Variants in TMEM39B observed in about 807,000 individuals in gnomAD.
The protein encoded by TMEM39B is transmembrane protein 39B.
A neutral mutation model predicts 52.2 loss-of-function variants in TMEM39B; 23 were observed. The observed-to-expected ratio is 0.44, with a 90% CI of 0.32 to 0.62. The LOEUF (loss-of-function observed/expected upper bound fraction) is 0.62. Among genes scored for constraint, TMEM39B ranks in the 20% least tolerant of loss-of-function variants. The probability of loss-of-function intolerance (pLI) is 0.06; values close to 1 mark genes in which losing one functional copy is unlikely to be tolerated. For synonymous variants in TMEM39B, 285 were observed against 264.0 expected (o/e 1.08, Z -0.77); for missense variants, 547 against 642.0 (o/e 0.85, Z 1.60).
chr1:32,098,607 C>G (rs1381814751), intron 7 of TMEM39B, among the ~76,000 whole-genome samples: 1 of 152,080 alleles, frequency 6.6e-6, no homozygotes, highest in Non-Finnish European at 1.5e-5. Flanking sequence ...GTGGCGGGCG[C>G]CTGTAGTCCC....
chr1:32,076,103 C>CTTTTTTTTTTT (rs1178215057), intron 3 of TMEM39B: 6 of 76,258 alleles, frequency 7.9e-5, no homozygotes, highest in African/African-American at 1.1e-4. Context: ...TTCTTTTCTT[C>CTTTTTTTTTTT]TTTTTTTTTT....
chr1:32,090,763 C>G lies in TMEM39B; in HGVS notation c.591-912C>G, dbSNP rs1453580925. Among the ~76,000 whole-genome samples the G allele has an allele frequency of 5.3e-5, 8 of 152,214 alleles. No individual in the cohort carries two copies. The South Asian group carries it at 1.0e-3, about 20-fold the overall frequency. ...CACGCCATTCTCCTGCCTCAGCCTC[C>G]CGAGTAGCTGGGACTACAGGCGCCC... On this transcript the variant is annotated intron_variant, in intron 5 of 8. Transcript: ENST00000336294.
intron 6 of TMEM39B, among the ~76,000 whole-genome samples, chr1:32,093,918 A>C (rs1640708408): frequency 1.3e-5 from 2 of 151,584 alleles, no homozygotes; most frequent in African/African-American, 2.4e-5. Context: ...TCCCGGGTTC[A>C]CGCCATTCTT....
chr1:32,088,815 C>T (rs1002746982), intron 5 of TMEM39B, among the ~76,000 whole-genome samples: 2 of 151,832 alleles, frequency 1.3e-5, no homozygotes, highest in Non-Finnish European at 2.9e-5. Flanking sequence ...TAGGTGCCCC[C>T]GCCCCCTCAT....
At chr1:32,082,418 A>G (rs1640137691) in intron 5 of TMEM39B, among the ~76,000 whole-genome samples, 1 of 152,104 alleles carries the variant, frequency 6.6e-6, no homozygotes, top group Admixed American at 6.6e-5. Context: ...CTCTGTAGTT[A>G]CAGAGTTACA....
Position 32,075,791 on chromosome 1 carries a change from C to T in TMEM39B, c.320C>T (p.Pro107Leu). 6.5e-7 allele frequency: 1 copy of T among 1,531,802 alleles called. No individual in the cohort carries two copies. Among genetic ancestry groups the T allele is most frequent in the Non-Finnish European group, 8.8e-7 (1 of 1,133,196 alleles). The allele number at this position is 1,531,802 out of a possible 1,614,324, so 94.9% of individuals were successfully genotyped here. ...INIYKTVWWY[P>L]PSHPPSHTSL... The stretch of plus-strand genomic sequence containing the variant: ...ATCTACAAGACAGTGTGGTGGTATC[C>T]ACCTTCCCACCCACCCTCCCACACC... Residue 107 changes from proline (P) to leucine (L), a missense_variant, in exon 3 of 9, where the codon CCA becomes CTA. Transcript: ENST00000336294.
At chr1:32,080,571 G>A (rs1569872932) in intron 5 of TMEM39B, among the ~76,000 whole-genome samples, 1 of 151,470 alleles carries the variant, frequency 6.6e-6, no homozygotes, top group Non-Finnish European at 1.5e-5. Context: ...GGAGGCTGAG[G>A]CAGGAGAATG....
Position 32,075,089 on chromosome 1 carries a change from CTCTG to C in TMEM39B, c.131+16_131+19del. The C allele has an allele frequency of 6.5e-7, 1 of 1,546,638 alleles. No individual in the cohort carries two copies. The highest frequency in any genetic ancestry group is 8.7e-7 in the Non-Finnish European group (1 of 1,144,090). Reference sequence around the variant, plus strand: ...CGTTCCCGCACCAGGTAAACCACCTCTCTGTCTCACCCCTCACTGTGGCCTCACA... The same window carrying C: ...CGTTCCCGCACCAGGTAAACCACCTCTCTCACCCCTCACTGTGGCCTCACA... On this transcript the variant is annotated intron_variant, in intron 2 of 8. Coordinates refer to ENST00000336294, the MANE Select transcript of TMEM39B (RefSeq NM_018056.4).
At chr1:32,075,456 T>C (rs752106024) in intron 2 of TMEM39B, 147 bp from the exon 3 acceptor site, 49 of 805,230 alleles carry the variant, frequency 6.1e-5, no homozygotes, top group Non-Finnish European at 9.1e-5. Context: ...CTTTGTCGGG[T>C]TCCTTTGTCT....
At chr1:32,073,825 A>G in intron 1 of TMEM39B, 1 of 985,388 alleles carries the variant, frequency 1.0e-6, no homozygotes, top group Non-Finnish European at 1.2e-6. Flanking sequence ...CTGAGATGCT[A>G]CGGCGTGGGG....
At chr1:32,073,859 G>A (rs1179738965) in intron 1 of TMEM39B, 2 of 985,210 alleles carry the variant, frequency 2.0e-6, no homozygotes, top group East Asian at 1.1e-4. Context: ...AGGCTGCTGT[G>A]TTACTGTGAA....
At chr1:32,076,499 A>C (rs1354201142) in intron 3 of TMEM39B, 1 of 599,784 alleles carries the variant, frequency 1.7e-6, no homozygotes, top group Non-Finnish European at 3.1e-6. Context: ...GTGCAGACAC[A>C]GTATAGGGAC....
chr1:32,077,141 C>T (rs774359749), intron 4 of TMEM39B, 23 bp from the exon 5 acceptor site: 15 of 1,613,108 alleles, frequency 9.3e-6, no homozygotes, highest in African/African-American at 5.3e-5. Context: ...GGCCCCATCC[C>T]GTCCTATCTT....
At chr1:32,087,490 G>T (rs1194789549) in intron 5 of TMEM39B, 1 of 149,518 alleles carries the variant, frequency 6.7e-6, no homozygotes, top group Non-Finnish European at 1.5e-5. Context: ...AGGCGTGGTG[G>T]TGCATGCTTG....
At chr1:32,094,552 G>A (rs1228004275) in intron 6 of TMEM39B, among the ~76,000 whole-genome samples, 2 of 152,160 alleles carry the variant, frequency 1.3e-5, no homozygotes, top group Non-Finnish European at 2.9e-5. Context: ...GGACCCCAGA[G>A]CCTGTTCTCT....
At chr1:32,082,014 C>T (rs958605358) in intron 5 of TMEM39B, among the ~76,000 whole-genome samples, 2 of 152,136 alleles carry the variant, frequency 1.3e-5, no homozygotes, top group Admixed American at 6.6e-5. Flanking sequence ...ATTTAGCTCA[C>T]GATCCCATCC....
rs781165922 is a variant in TMEM39B, at chr1:32,080,392, G to A, written c.590+3074G>A. 4.6e-5 allele frequency among the ~76,000 whole-genome samples: 7 copies of A among 151,870 alleles called. 1 individual carries two copies. Among genetic ancestry groups the A allele is most frequent in the East Asian group, 1.9e-4 (1 of 5,148 alleles). ...AGAACTTAAGAGTTGCCTGTCGGAC[G>A]CGGTGGCTCATGCCTGTAATCCCAG... is the stretch of plus-strand genomic sequence containing the variant. On this transcript the variant is annotated intron_variant, in intron 5 of 8. Transcript: ENST00000336294.
At chr1:32,093,454 C>T (rs890148932) in intron 6 of TMEM39B, among the ~76,000 whole-genome samples, 1 of 136,146 alleles carries the variant, frequency 7.3e-6, no homozygotes. Context: ...CTCTATGGCC[C>T]AGGCTGGAGT....
chr1:32,072,847 C>T (rs374768157), upstream of TMEM39B: 13 of 592,454 alleles, frequency 2.2e-5, no homozygotes, highest in East Asian at 1.4e-4. Context: ...GCGCAGGCAC[C>T]GCCTCCGTCC....
Sources: gnomAD v4.1 joint callset for allele counts (sites outside exome capture counted in the v4.1 genomes callset) on GRCh38, gnomAD v4.1.1 for gene constraint, MANE v1.5 for transcripts, NCBI Gene and HGNC (gene_info 2026-07-23, HGNC 2026-07-21) for gene names.